Variants in RBMS2 observed in about 807,000 individuals in gnomAD.
The protein encoded by RBMS2 is RNA-binding motif, single-stranded-interacting protein 2.
In RBMS2, 38 loss-of-function variants were observed where a neutral mutation model predicts 58.4. That is an observed-to-expected ratio of 0.65 (90% CI 0.50 to 0.85). The LOEUF is 0.85. Ranked by LOEUF, RBMS2 falls within the 40% of genes least tolerant of loss-of-function variation. RBMS2 has a pLI of 0.00. For missense variants in RBMS2, 367 were observed against 503.7 expected, an observed-to-expected ratio of 0.73 and a Z score of 2.60; for synonymous variants, 151 against 180.7, an observed-to-expected ratio of 0.84 and a Z score of 1.32.
At position 56,542,354 on chromosome 12, in the gene RBMS2, C is replaced by T. The variant is rs570387732; in HGVS notation, c.67-20063C>T. 4.5e-4 allele frequency among the ~76,000 whole-genome samples: 69 copies of T among 152,072 alleles called. 1 individual carries two copies. The highest frequency in any genetic ancestry group is 4.5e-3 in the Admixed American group (68 of 15,230). On this transcript the variant is annotated intron_variant, in intron 1 of 13. Transcript: ENST00000262031. Reference sequence around the variant, plus strand: ...TTCTGTGATTACAGGCATGAGCCACCGCACCTGGCTCTAGTAGACTTTTTG... The same window carrying T: ...TTCTGTGATTACAGGCATGAGCCACTGCACCTGGCTCTAGTAGACTTTTTG...
intron 1 of RBMS2, among the ~76,000 whole-genome samples, chr12:56,555,452 A>G (rs1350082190): frequency 1.3e-5 from 2 of 151,630 alleles, no homozygotes; most frequent in Non-Finnish European, 2.9e-5. Context: ...AAAAAAAAAA[A>G]AAAAGGAAGA....
At chr12:56,531,360 A>T (rs1873686718) in intron 1 of RBMS2, among the ~76,000 whole-genome samples, 1 of 152,192 alleles carries the variant, frequency 6.6e-6, no homozygotes, top group South Asian at 2.1e-4. Context: ...AAGCAAAGGA[A>T]GGAAGCATTA....
At chr12:56,539,593 C>T in intron 1 of RBMS2, 1 of 396,946 alleles carries the variant, frequency 2.5e-6, no homozygotes, top group Non-Finnish European at 5.0e-6. Flanking sequence ...TTTGTTTTCC[C>T]TGGAGTTAAT....
At chr12:56,589,063 C>T (rs1227033644) in intron 13 of RBMS2, 45 bp downstream of exon 13, 2 of 1,612,816 alleles carry the variant, frequency 1.2e-6, no homozygotes, top group African/African-American at 2.7e-5. Flanking sequence ...CACTGGCAGA[C>T]AGCAGCTCAG....
chr12:56,550,026 C>G (rs762515520), intron 1 of RBMS2, among the ~76,000 whole-genome samples: 1 of 150,932 alleles, frequency 6.6e-6, no homozygotes, highest in African/African-American at 2.4e-5. Context: ...AACTCCGTCT[C>G]GCAAAAAAAA....
chr12:56,562,864 T>G (rs1167363204), intron 2 of RBMS2, among the ~76,000 whole-genome samples: 1 of 152,204 alleles, frequency 6.6e-6, no homozygotes, highest in East Asian at 1.9e-4. Flanking sequence ...GGCTCATGCC[T>G]ATAATCCCAG....
chr12:56,534,906 G>T (rs1874473600), intron 1 of RBMS2, among the ~76,000 whole-genome samples: 2 of 152,182 alleles, frequency 1.3e-5, no homozygotes, highest in African/African-American at 4.8e-5. Context: ...CTCCTAAAGT[G>T]CTGGGATTAC....
chr12:56,565,020 AAAAATAAAAT>A (rs931820589), intron 2 of RBMS2, among the ~76,000 whole-genome samples: 6 of 152,194 alleles, frequency 3.9e-5, no homozygotes, highest in African/African-American at 9.6e-5. Context: ...TCAAAATAAT[AAAAATAAAAT>A]AAAATAAAAT....
chr12:56,588,774 G>A (rs1020792429), intron 12 of RBMS2, among the ~76,000 whole-genome samples, 158 bp from the exon 13 acceptor site: 2 of 152,160 alleles, frequency 1.3e-5, no homozygotes, highest in Non-Finnish European at 2.9e-5. Context: ...TAGGAAGGTT[G>A]GGGAAGTGGT....
chr12:56,559,088 C>T (rs190210413), intron 1 of RBMS2, among the ~76,000 whole-genome samples: 2 of 152,248 alleles, frequency 1.3e-5, no homozygotes, highest in East Asian at 1.9e-4. Context: ...CATCATCACC[C>T]TCATCGCTGA....
At chr12:56,586,797 G>T in intron 9 of RBMS2, 52 bp from the exon 10 acceptor site, 1 of 1,453,522 alleles carries the variant, frequency 6.9e-7, no homozygotes, top group South Asian at 1.1e-5. Context: ...TAGATCTGTG[G>T]GCTGAATAAT....
intron 1 of RBMS2, among the ~76,000 whole-genome samples, chr12:56,535,515 T>A (rs1230323968): frequency 9.6e-5 from 12 of 124,512 alleles, no homozygotes; most frequent in East Asian, 2.6e-4. Context: ...AAAAAAAAAA[T>A]TTATATCCAG....
intron 1 of RBMS2, among the ~76,000 whole-genome samples, chr12:56,540,576 C>G (rs1875893462): frequency 6.6e-6 from 1 of 152,090 alleles, no homozygotes. Context: ...GACAAGGTCT[C>G]ACTATGTTGC....
At chr12:56,576,539 G>T (rs1388150426) in intron 5 of RBMS2, among the ~76,000 whole-genome samples, 1 of 152,060 alleles carries the variant, frequency 6.6e-6, no homozygotes, top group Non-Finnish European at 1.5e-5. Flanking sequence ...ATCTCCTGAG[G>T]ATAAGGGGGG....
At chr12:56,564,609 C>T (rs140865729) in intron 2 of RBMS2, among the ~76,000 whole-genome samples, 1 of 152,318 alleles carries the variant, frequency 6.6e-6, no homozygotes, top group East Asian at 1.9e-4. Context: ...ATCATTCCTC[C>T]TGCCTCGGCC....
At chr12:56,527,153 C>G (rs889970968) in intron 1 of RBMS2, among the ~76,000 whole-genome samples, 1 of 152,146 alleles carries the variant, frequency 6.6e-6, no homozygotes, top group African/African-American at 2.4e-5. Flanking sequence ...TCACTTAGTA[C>G]TTCTAACAGG....
rs1447972022 is a variant in RBMS2, at chr12:56,591,714, A to G, written c.*2581A>G. 3.3e-5 allele frequency: 5 copies of G among 152,062 alleles called. No homozygotes were observed. 9.4% of individuals were successfully genotyped at this position (152,062 alleles called of 1,614,324 possible). On this transcript the variant is annotated 3_prime_UTR_variant, in exon 14 of 14. Transcript: ENST00000262031. The stretch of plus-strand genomic sequence containing the variant: ...CTTTCACGCATAGAAACCATTGTTG[A>G]TATTGCCACTCCCCTCTCCTCTGCC...
intron 1 of RBMS2, among the ~76,000 whole-genome samples, chr12:56,543,190 C>T (rs12822071): frequency 0.94 from 142,455 of 150,872 alleles, 67,607 homozygotes; most frequent in East Asian, 1. Flanking sequence ...TCATTTCAAA[C>T]TGTCCATGAA....
intron 1 of RBMS2, among the ~76,000 whole-genome samples, chr12:56,542,020 T>C (rs1876181149): frequency 6.6e-6 from 1 of 150,954 alleles, no homozygotes; most frequent in Non-Finnish European, 1.5e-5. Context: ...TTGGGTTCCA[T>C]TTTCACTTAT....
Sources: allele counts gnomAD v4.1 joint callset (sites outside exome capture counted in the v4.1 genomes callset), GRCh38; gene constraint gnomAD v4.1.1; transcripts MANE v1.5; gene names NCBI Gene and HGNC (gene_info 2026-07-23, HGNC 2026-07-21).